Variants in ANKRD6 observed in about 807,000 individuals in gnomAD.
ANKRD6 encodes ankyrin repeat domain-containing protein 6.
A neutral mutation model predicts 82.3 loss-of-function variants in ANKRD6; 56 were observed. The observed-to-expected ratio is 0.68, with a 90% CI of 0.55 to 0.85. The LOEUF is 0.85. Among genes scored for constraint, ANKRD6 ranks in the 40% least tolerant of loss-of-function variants. The probability of loss-of-function intolerance (pLI) is 0.00; values close to 1 mark genes in which losing one functional copy is unlikely to be tolerated. For missense variants in ANKRD6, 852 were observed against 907.6 expected (o/e 0.94, Z 0.79); for synonymous variants, 347 against 352.1 (o/e 0.99, Z 0.16).
intron 9 of ANKRD6, among the ~76,000 whole-genome samples, chr6:89,619,318 A>G (rs1489226950): frequency 3.3e-5 from 5 of 152,224 alleles, no homozygotes; most frequent in Non-Finnish European, 7.3e-5. Flanking sequence ...GAAGTGCTGT[A>G]TAAACGTCAG....
intron 13 of ANKRD6, among the ~76,000 whole-genome samples, chr6:89,625,836 C>T (rs961489542): frequency 7.3e-5 from 11 of 151,212 alleles, no homozygotes; most frequent in African/African-American, 2.2e-4. Flanking sequence ...TGGGTTCAAG[C>T]GATTCTCCCA....
intron 1 of ANKRD6, among the ~76,000 whole-genome samples, chr6:89,507,972 A>G (rs1031657332): frequency 6.6e-6 from 1 of 152,164 alleles, no homozygotes; most frequent in Non-Finnish European, 1.5e-5. Flanking sequence ...CCCAAGTTTG[A>G]TTATGAAAAT....
intron 1 of ANKRD6, among the ~76,000 whole-genome samples, chr6:89,514,990 T>G (rs2127951753): frequency 6.6e-6 from 1 of 152,370 alleles, no homozygotes; most frequent in Non-Finnish European, 1.5e-5. Flanking sequence ...GATAACCTGT[T>G]TGGTGAAATT....
At chr6:89,448,380 G>A (rs1428650583) in intron 1 of ANKRD6, among the ~76,000 whole-genome samples, 2 of 151,272 alleles carry the variant, frequency 1.3e-5, no homozygotes, top group African/African-American at 4.9e-5. Flanking sequence ...GCTGCAGTGA[G>A]CCATGATTGT....
At chr6:89,607,280 C>T (rs1293364593) in intron 5 of ANKRD6, among the ~76,000 whole-genome samples, 2 of 151,508 alleles carry the variant, frequency 1.3e-5, no homozygotes, top group Non-Finnish European at 2.9e-5. Flanking sequence ...AAAAAATAAG[C>T]AATAAAACCA....
intron 1 of ANKRD6, among the ~76,000 whole-genome samples, chr6:89,484,957 T>G (rs1011924966): frequency 2.6e-5 from 4 of 152,202 alleles, no homozygotes; most frequent in African/African-American, 9.6e-5. Flanking sequence ...ACCTCAGTGA[T>G]GGACTGTATC....
intron 1 of ANKRD6, among the ~76,000 whole-genome samples, chr6:89,434,192 A>C (rs933861756): frequency 2.6e-5 from 4 of 152,132 alleles, no homozygotes; most frequent in African/African-American, 9.7e-5. Flanking sequence ...CACTTCTTTA[A>C]ACCTTAGTTT....
chr6:89,480,959 A>AAAAAAAAT (rs1216085201), intron 1 of ANKRD6, among the ~76,000 whole-genome samples: 1 of 148,900 alleles, frequency 6.7e-6, no homozygotes, highest in Non-Finnish European at 1.5e-5. Context: ...AAAAAAATAG[A>AAAAAAAAT]AGAAGAAGAA....
intron 1 of ANKRD6, among the ~76,000 whole-genome samples, chr6:89,551,506 G>A (rs1681040946): frequency 6.6e-6 from 1 of 152,220 alleles, no homozygotes; most frequent in Non-Finnish European, 1.5e-5. Context: ...CCCAGGAGAA[G>A]GTCTGTGGAT....
intron 1 of ANKRD6, among the ~76,000 whole-genome samples, chr6:89,438,930 A>C (rs1770993581): frequency 6.6e-6 from 1 of 152,208 alleles, no homozygotes; most frequent in African/African-American, 2.4e-5. Context: ...GGTGTGAGCC[A>C]CTGCACCTGG....
chr6:89,521,223 G>GGATTT, intron 1 of ANKRD6, among the ~76,000 whole-genome samples: 1 of 152,164 alleles, frequency 6.6e-6, no homozygotes, highest in Non-Finnish European at 1.5e-5. Context: ...CCCAGGAGAT[G>GGATTT]CCCCTTAACC....
intron 5 of ANKRD6, among the ~76,000 whole-genome samples, chr6:89,607,084 C>T (rs190322642): frequency 0.014 from 2,059 of 151,618 alleles, 36 homozygotes; most frequent in African/African-American, 0.044. Context: ...ACACAAGAAT[C>T]GCTTGAACCT....
chr6:89,621,784 G>T (rs1266786155), intron 9 of ANKRD6, 138 bp from the exon 10 acceptor site: 1 of 800,168 alleles, frequency 1.2e-6, no homozygotes, highest in Non-Finnish European at 2.1e-6. Context: ...GTCCAGAGGT[G>T]CTTGCTTGAT....
chr6:89,482,680 C>A (rs1776947060), intron 1 of ANKRD6, among the ~76,000 whole-genome samples: 1 of 151,822 alleles, frequency 6.6e-6, no homozygotes, highest in Non-Finnish European at 1.5e-5. Flanking sequence ...TAGATACTGT[C>A]TCCATCTAAT....
At chr6:89,592,475 T>C (rs969928683) in intron 2 of ANKRD6, among the ~76,000 whole-genome samples, 2 of 152,180 alleles carry the variant, frequency 1.3e-5, no homozygotes, top group Non-Finnish European at 2.9e-5. Context: ...AGAGCTGGGA[T>C]TCAAACTAAG....
intron 5 of ANKRD6, among the ~76,000 whole-genome samples, chr6:89,610,612 T>C (rs1799980209): frequency 6.6e-6 from 1 of 152,264 alleles, no homozygotes; most frequent in African/African-American, 2.4e-5. Flanking sequence ...TTCATTTCAC[T>C]CATGTATTCA....
chr6:89,604,673 GC>G (rs1798079171), intron 4 of ANKRD6, among the ~76,000 whole-genome samples: 1 of 152,038 alleles, frequency 6.6e-6, no homozygotes, highest in South Asian at 2.1e-4. Context: ...CATACCCTGT[GC>G]CCCCTGCCCC....
At chr6:89,522,005 A>T (rs1781945838) in intron 1 of ANKRD6, among the ~76,000 whole-genome samples, 1 of 152,230 alleles carries the variant, frequency 6.6e-6, no homozygotes, top group Admixed American at 6.5e-5. Context: ...AATATAAATT[A>T]TTTGGCCTAT....
intron 1 of ANKRD6, among the ~76,000 whole-genome samples, chr6:89,468,940 A>G (rs1303595078): frequency 1.3e-5 from 2 of 151,936 alleles, no homozygotes; most frequent in African/African-American, 4.8e-5. Context: ...CTTAAGAATA[A>G]TGATTGTTGC....
Sources: gnomAD v4.1 joint callset for allele counts (sites outside exome capture counted in the v4.1 genomes callset) on GRCh38, gnomAD v4.1.1 for gene constraint, MANE v1.5 for transcripts, NCBI Gene and HGNC (gene_info 2026-07-23, HGNC 2026-07-21) for gene names.